The following CELF2 variants were observed in gnomAD, a reference collection of about 807,000 sequenced individuals.
The protein encoded by CELF2 is CUGBP Elav-like family member 2.
CELF2 carries 8 observed loss-of-function variants against 62.6 expected under a neutral mutation model. The ratio of observed to expected loss-of-function variants is 0.13; its 90% CI spans 0.07 to 0.23. The LOEUF (loss-of-function observed/expected upper bound fraction) is 0.23, where lower values mean the gene tolerates loss of function less well. CELF2 is among the 10% of genes least tolerant of loss of function. The probability of loss-of-function intolerance (pLI) is 1.00; values close to 1 mark genes in which losing one functional copy is unlikely to be tolerated. For synonymous variants in CELF2, 258 were observed against 250.0 expected (o/e 1.03, Z -0.30); for missense variants, 333 against 671.0 (o/e 0.50, Z 5.56).
At chr10:10,481,381 A>C in the CELF2 span, among the ~76,000 whole-genome samples, 3 of 152,186 alleles carry the variant, frequency 2.0e-5, no homozygotes, top group Admixed American at 2.0e-4. Flanking sequence ...GTCCATAATA[A>C]ATATTTATTG....
At chr10:10,690,390 T>C in the CELF2 span, among the ~76,000 whole-genome samples, 21 of 152,210 alleles carry the variant, frequency 1.4e-4, no homozygotes, top group African/African-American at 5.1e-4. Flanking sequence ...CTATACATCT[T>C]ACTAAGTGTT....
intron 1 of CELF2, among the ~76,000 whole-genome samples, chr10:11,124,009 G>T (rs928503105): frequency 6.6e-6 from 1 of 152,182 alleles, no homozygotes; most frequent in Non-Finnish European, 1.5e-5. Flanking sequence ...TGAATGAGGA[G>T]CAAAGTCACG....
the CELF2 span, among the ~76,000 whole-genome samples, chr10:10,553,906 C>T: frequency 1.3e-5 from 2 of 152,054 alleles, no homozygotes; most frequent in Non-Finnish European, 2.9e-5. Context: ...GTGGTCGCAC[C>T]CAATGCCAAG....
At chr10:11,057,058 C>T (rs1354520778) in intron 1 of CELF2, among the ~76,000 whole-genome samples, 1 of 152,090 alleles carries the variant, frequency 6.6e-6, no homozygotes, top group African/African-American at 2.4e-5. Flanking sequence ...TGTGCTGGGG[C>T]AATTAGTGAG....
rs2083153804 is a variant in CELF2, at chr10:11,269,575, G to A, written c.619-1091G>A. 6.6e-6 allele frequency among the ~76,000 whole-genome samples: 1 copy of A among 152,164 alleles called. No individual in the cohort carries two copies. The highest frequency in any genetic ancestry group is 2.4e-5 in the African/African-American group (1 of 41,440). On this transcript the variant is annotated intron_variant, in intron 6 of 12. Coordinates refer to ENST00000633077, the MANE Select transcript of CELF2 (RefSeq NM_001326342.2). The surrounding 1 kb of genome is among the most constrained non-coding windows in gnomAD (Gnocchi z 4.4). ...AAAAGTTTTTATTTTAATCACTTGG[G>A]TAGAATTACTTCTTTATGCCTCAGC...
the CELF2 span, among the ~76,000 whole-genome samples, chr10:10,682,932 T>C: frequency 6.6e-6 from 1 of 152,168 alleles, no homozygotes; most frequent in Non-Finnish European, 1.5e-5. Context: ...CAGCTGTATA[T>C]GAACTCCATC....
chr10:10,668,898 C>T, the CELF2 span, among the ~76,000 whole-genome samples: 2 of 151,986 alleles, frequency 1.3e-5, no homozygotes, highest in African/African-American at 2.4e-5. Flanking sequence ...ACAGAGGCTG[C>T]GATGAGCTGA....
chr10:10,705,378 A>C, the CELF2 span, among the ~76,000 whole-genome samples: 1 of 151,324 alleles, frequency 6.6e-6, no homozygotes, highest in African/African-American at 2.4e-5. Context: ...AAAAAAAAAA[A>C]AAAAACCCTC....
chr10:11,219,291 G>A (rs907965575), intron 3 of CELF2, among the ~76,000 whole-genome samples: 2 of 152,192 alleles, frequency 1.3e-5, no homozygotes, highest in African/African-American at 4.8e-5. Flanking sequence ...AGCGACTTAT[G>A]AGTATGCTTC....
At chr10:11,154,130 T>C (rs1260881272) in intron 1 of CELF2, among the ~76,000 whole-genome samples, 1 of 152,240 alleles carries the variant, frequency 6.6e-6, no homozygotes, top group Non-Finnish European at 1.5e-5. Flanking sequence ...TGTAATGATA[T>C]TCAGCTTCTT....
intron 2 of CELF2, among the ~76,000 whole-genome samples, chr10:10,950,099 G>C (rs544241315): frequency 6.6e-6 from 1 of 152,280 alleles, no homozygotes; most frequent in East Asian, 1.9e-4. Flanking sequence ...TCCCCTGGCT[G>C]CAAGAGGCGA....
rs559772978 is a variant in CELF2 at position 11,306,437 on chromosome 10, G to A, written c.977-7702G>A. On this transcript the variant is annotated intron_variant, in intron 9 of 12. Coordinates refer to ENST00000633077, the MANE Select transcript of CELF2 (RefSeq NM_001326342.2). This position sits in a 1 kb window ranked among gnomAD's most constrained non-coding sequence, Gnocchi z 4.4. ...GGAGAGTCTGGGTGTTGGTGGCACC[G>A]CATGTGTCTCTGTCTAAGACCTCTT... 6.6e-5 allele frequency among the ~76,000 whole-genome samples: 10 copies of A among 152,160 alleles called. No homozygotes were observed. The East Asian group carries it at 9.7e-4, about 15-fold the overall frequency.
rs2095918249 is a variant in CELF2 at position 11,329,253 on chromosome 10, T to C, written c.*200T>C. 9.8e-6 allele frequency: 4 copies of C among 406,952 alleles called. No individual in the cohort carries two copies. Among genetic ancestry groups the C allele is most frequent in the African/African-American group, 2.0e-5 (1 of 48,878 alleles). The allele number at this position is 406,952 out of a possible 1,614,324, so 25.2% of individuals were successfully genotyped here. On this transcript the variant is annotated 3_prime_UTR_variant, in exon 13 of 13. Coordinates refer to ENST00000633077, the MANE Select transcript of CELF2 (RefSeq NM_001326342.2). This position sits in a 1 kb window ranked among gnomAD's most constrained non-coding sequence, Gnocchi z 5.5. ...GCCATAATTAAAACTTGGGCTACTT[T>C]GTTTCTATTGAGTAATTCCTCCTCC...
the CELF2 span, among the ~76,000 whole-genome samples, chr10:10,555,732 ACACACACATGCACT>A: frequency 6.6e-6 from 1 of 152,182 alleles, no homozygotes; most frequent in Non-Finnish European, 1.5e-5. Flanking sequence ...ACACATGCAC[ACACACACATGCACT>A]CACACTCACA....
At chr10:10,814,214 TA>T (rs759524110) in intron 1 of CELF2, among the ~76,000 whole-genome samples, 374 of 44,404 alleles carry the variant, frequency 8.4e-3, no homozygotes, top group African/African-American at 9.9e-3. Context: ...AGAAGAGTCC[TA>T]AAAAAAAAAA....
the CELF2 span, among the ~76,000 whole-genome samples, chr10:10,698,872 A>G: frequency 0.017 from 2,643 of 152,350 alleles, 40 homozygotes; most frequent in African/African-American, 0.042. Flanking sequence ...ACTCTTGATT[A>G]TAAAATTCAG....
At chr10:10,702,516 A>C in the CELF2 span, among the ~76,000 whole-genome samples, 1 of 152,228 alleles carries the variant, frequency 6.6e-6, no homozygotes, top group South Asian at 2.1e-4. Flanking sequence ...CAAATAAACA[A>C]GCATTTTAAG....
chr10:10,805,965 A>G (rs936521531), intron 1 of CELF2, among the ~76,000 whole-genome samples: 1 of 152,156 alleles, frequency 6.6e-6, no homozygotes, highest in Admixed American at 6.5e-5. Context: ...GAAAAATGAA[A>G]AGTAATGGTT....
the CELF2 span, among the ~76,000 whole-genome samples, chr10:10,621,273 G>A: frequency 4.1e-4 from 59 of 145,466 alleles, no homozygotes; most frequent in African/African-American, 1.5e-3. Flanking sequence ...AAAGGCTACA[G>A]TAGAATGATT....
Sources: gnomAD v4.1 joint callset for allele counts (sites outside exome capture counted in the v4.1 genomes callset) on GRCh38, gnomAD v4.1.1 for gene constraint, Gnocchi (gnomAD v3.1) non-coding constraint, MANE v1.5 for transcripts, NCBI Gene and HGNC (gene_info 2026-07-23, HGNC 2026-07-21) for gene names.